The following EPHB3 variants were observed in gnomAD, a reference collection of about 807,000 sequenced individuals.
The protein encoded by EPHB3 is EPH receptor B3, also known as ephrin type-B receptor 3.
In EPHB3, 33 loss-of-function variants were observed where a neutral mutation model predicts 100.2. That is an observed-to-expected ratio of 0.33 (90% CI 0.25 to 0.44). The LOEUF is 0.44. Ranked by LOEUF, EPHB3 falls within the 20% of genes least tolerant of loss-of-function variation. The pLI is 1.00. For missense variants in EPHB3, 1,045 were observed against 1,378.3 expected (o/e 0.76, Z 3.83); for synonymous variants, 526 against 554.7 (o/e 0.95, Z 0.73).
chr3:184,568,758 C>T (rs1314488019), intron 1 of EPHB3, among the ~76,000 whole-genome samples: 2 of 152,272 alleles, frequency 1.3e-5, no homozygotes, highest in African/African-American at 2.4e-5. Context: ...CCCCTCCCCA[C>T]CGGAGTGACC....
chr3:184,562,818 G>A lies in EPHB3; in HGVS notation c.118+465G>A, dbSNP rs116741735. 3.2e-3 allele frequency among the ~76,000 whole-genome samples: 490 copies of A among 152,334 alleles called. 4 individuals carry two copies. Among genetic ancestry groups the A allele is most frequent in the African/African-American group, 0.011 (449 of 41,578 alleles). ...TGGAGTTAACTGTGAGAGTGTGAGT[G>A]CGAGCACCCCGATTTGTCAGGGGAC... On this transcript the variant is annotated intron_variant, in intron 1 of 15. Coordinates refer to ENST00000330394, the MANE Select transcript of EPHB3 (RefSeq NM_004443.4). This position sits in a 1 kb window ranked among gnomAD's most constrained non-coding sequence, Gnocchi z 4.8.
Position 184,562,462 on chromosome 3 carries a change from G to A in EPHB3, c.118+109G>A. Reference sequence around the variant, plus strand: ...TTGAGCGCACGTCGGAGGAGGCCCCGCCACCGGCGCCCGCTCCGGGGCCCA... The same window carrying A: ...TTGAGCGCACGTCGGAGGAGGCCCCACCACCGGCGCCCGCTCCGGGGCCCA... On this transcript the variant is annotated intron_variant, in intron 1 of 15. Transcript: ENST00000330394. The surrounding 1 kb of genome is among the most constrained non-coding windows in gnomAD (Gnocchi z 4.8). 2 of 1,117,478 alleles carry A rather than the reference G, an allele frequency of 1.8e-6. No homozygotes were observed. Among genetic ancestry groups the A allele is most frequent in the South Asian group, 8.6e-5 (2 of 23,172 alleles). 69.2% of individuals were successfully genotyped at this position (1,117,478 alleles called of 1,614,324 possible). A position where few individuals can be genotyped will look rare whatever the true frequency, so the allele number is the denominator to read the frequency against.
At position 184,577,619 on chromosome 3, in the gene EPHB3, G is replaced by GGT. The variant is rs1256725809; in HGVS notation, c.1480-39_1480-38insGT. 1.9e-6 allele frequency: 3 copies of GGT among 1,572,596 alleles called. No individual in the cohort carries two copies. Among genetic ancestry groups the GGT allele is most frequent in the Non-Finnish European group, 2.6e-6 (3 of 1,155,484 alleles). ...GTGAATAGGGGCTGGTTGGCCTCAG[G>GGT]ACCCACCTGAGGGTGCCCCCTCTCT... On this transcript the variant is annotated intron_variant, in intron 6 of 15. Transcript: ENST00000330394. The surrounding 1 kb of genome is among the most constrained non-coding windows in gnomAD (Gnocchi z 4.9).
rs1400422622 is a variant in EPHB3 at position 184,578,951 on chromosome 3, C to T, written c.1801+485C>T. On this transcript the variant is annotated intron_variant, in intron 9 of 15. Transcript: ENST00000330394. The surrounding 1 kb of genome is among the most constrained non-coding windows in gnomAD (Gnocchi z 4.7). ...GGAAGGAGCCCAACTGTGGGGGCAGCGAGAAGACTGGTTTGACAGCTGCTG... is the reference window on the plus strand; with the variant it reads ...GGAAGGAGCCCAACTGTGGGGGCAGTGAGAAGACTGGTTTGACAGCTGCTG... 2.0e-5 allele frequency among the ~76,000 whole-genome samples: 3 copies of T among 151,924 alleles called. No individual in the cohort carries two copies. Among genetic ancestry groups the T allele is most frequent in the East Asian group, 1.9e-4 (1 of 5,170 alleles).
intron 3 of EPHB3, among the ~76,000 whole-genome samples, chr3:184,574,862 A>G (rs991411538): frequency 1.3e-5 from 2 of 152,226 alleles, no homozygotes; most frequent in Non-Finnish European, 2.9e-5. Flanking sequence ...CACTGGCTCA[A>G]AAGAGCTAGG....
chr3:184,573,069 T>C lies in EPHB3; in HGVS notation c.749T>C (p.Val250Ala). 1 of 1,613,140 alleles carries C rather than the reference T, an allele frequency of 6.2e-7. No homozygotes were observed. The highest frequency in any genetic ancestry group is 8.5e-7 in the Non-Finnish European group (1 of 1,180,008). Residue 250 changes from valine to alanine, a missense_variant, in exon 3 of 16, where the codon GTG (valine) becomes GCG (alanine). Around this residue, in one of 2 missense-constraint regions of EPHB3, gnomAD observed 985 missense variants for 1,331.1 expected, o/e 0.74. Transcript: ENST00000330394. The surrounding 1 kb of genome is among the most constrained non-coding windows in gnomAD (Gnocchi z 4.5). ...ATCCCTAACGCCGTGGAGGTGTCGG[T>C]GCCACTCAAGCTCTACTGCAACGGC... ...TCIPNAVEVS[V>A]PLKLYCNGDG...
chr3:184,578,108 A>C lies in EPHB3; in HGVS notation c.1748+102A>C. Reference sequence around the variant, plus strand: ...GATGAGCCGCCACCACTTCCCTCAGACCCAGGGCCTTAGCCCTCCTGGGGC... The same window carrying C: ...GATGAGCCGCCACCACTTCCCTCAGCCCCAGGGCCTTAGCCCTCCTGGGGC... On this transcript the variant is annotated intron_variant, in intron 8 of 15. Coordinates refer to ENST00000330394, the MANE Select transcript of EPHB3 (RefSeq NM_004443.4). The surrounding 1 kb of genome is among the most constrained non-coding windows in gnomAD (Gnocchi z 4.7). The C allele has an allele frequency of 7.6e-7, 1 of 1,323,060 alleles. No homozygotes were observed. Among genetic ancestry groups the C allele is most frequent in the Non-Finnish European group, 1.0e-6 (1 of 968,566 alleles). The allele number at this position is 1,323,060 out of a possible 1,614,324, so 82.0% of individuals were successfully genotyped here.
intron 4 of EPHB3, among the ~76,000 whole-genome samples, chr3:184,576,319 G>A (rs571371765): frequency 2.0e-5 from 3 of 152,272 alleles, no homozygotes; most frequent in South Asian, 4.1e-4. Flanking sequence ...CTTCTAGTCC[G>A]TTGCCCCTCC....
At position 184,573,324 on chromosome 3, in the gene EPHB3, C is replaced by T; in HGVS notation, c.856+148C>T. 2.1e-6 allele frequency: 2 copies of T among 955,086 alleles called. No homozygotes were observed. Among genetic ancestry groups the T allele is most frequent in the East Asian group, 5.3e-5 (2 of 37,846 alleles). The allele number at this position is 955,086 out of a possible 1,614,324, so 59.2% of individuals were successfully genotyped here. A position where few individuals can be genotyped will look rare whatever the true frequency, so the allele number is the denominator to read the frequency against. On this transcript the variant is annotated intron_variant, in intron 3 of 15. Transcript: ENST00000330394. This position sits in a 1 kb window ranked among gnomAD's most constrained non-coding sequence, Gnocchi z 4.5. ...AGGCAGGAGAGGGAAGAGTGGGGAT[C>T]AGATGCAGAGAATGTTGTGTAAGGA...
In EPHB3 at chr3:184,576,239, TGCTCCTAGCCATGCTCAGGAACTG is replaced by T. The variant is rs1344901527; in HGVS notation, c.1012+282_1012+305del. 7.6e-3 allele frequency among the ~76,000 whole-genome samples: 1,151 copies of T among 151,710 alleles called. 12 individuals are homozygous for T. The highest frequency in any genetic ancestry group is 0.022 in the African/African-American group (914 of 41,202). ...CTGTTCCTAGCCATGCTCAGGAACT[TGCTCCTAGCCATGCTCAGGAACTG>T]GCTCCTAGCCATGCTCAGGAACTGG... On this transcript the variant is annotated intron_variant, in intron 4 of 15. Coordinates refer to ENST00000330394, the MANE Select transcript of EPHB3 (RefSeq NM_004443.4).
intron 1 of EPHB3, among the ~76,000 whole-genome samples, chr3:184,564,888 A>AG (rs1415469872): frequency 1.3e-5 from 2 of 152,118 alleles, no homozygotes; most frequent in African/African-American, 2.4e-5. Flanking sequence ...CCAGCTTGAC[A>AG]GGTGGGGGGT....
chr3:184,572,292 G>A lies in EPHB3; in HGVS notation c.184-212G>A, dbSNP rs943970523. Among the ~76,000 whole-genome samples, 1 of 152,148 alleles carries A rather than the reference G, an allele frequency of 6.6e-6. No individual in the cohort carries two copies. The highest frequency in any genetic ancestry group is 2.4e-5 in the African/African-American group (1 of 41,420). On this transcript the variant is annotated intron_variant, in intron 2 of 15. Coordinates refer to ENST00000330394, the MANE Select transcript of EPHB3 (RefSeq NM_004443.4). This position sits in a 1 kb window ranked among gnomAD's most constrained non-coding sequence, Gnocchi z 6.6. ...ACATCTTTATTATCCCCATGTTACA[G>A]ATGGGGAAACTGAGGCACATGGCGG...
At chr3:184,576,217 TTCCTAGCCATGCTCAGGAACTTGC>T (rs1225532326) in intron 4 of EPHB3, among the ~76,000 whole-genome samples, 249 of 151,768 alleles carry the variant, frequency 1.6e-3, no homozygotes, top group African/African-American at 3.9e-3. Context: ...CACCTACCTG[TTCCTAGCCATGCTCAGGAACTTGC>T]TCCTAGCCAT....
At position 184,569,069 on chromosome 3, in the gene EPHB3, G is replaced by A. The variant is rs964453839; in HGVS notation, c.119-2249G>A. On this transcript the variant is annotated intron_variant, in intron 1 of 15. Coordinates refer to ENST00000330394, the MANE Select transcript of EPHB3 (RefSeq NM_004443.4). This position sits in a 1 kb window ranked among gnomAD's most constrained non-coding sequence, Gnocchi z 5.4. ...AATCTGGCTGGAGGGGGAGGGGGCT[G>A]AATATTTGGGTTTAAACAGTTCCAG... Among the ~76,000 whole-genome samples the A allele has an allele frequency of 1.3e-5, 2 of 152,162 alleles. No homozygotes were observed. The highest frequency in any genetic ancestry group is 4.8e-5 in the African/African-American group (2 of 41,446).
At position 184,572,412 on chromosome 3, in the gene EPHB3, C is replaced by T. The variant is rs1200968268; in HGVS notation, c.184-92C>T. 2 of 1,396,146 alleles carry T rather than the reference C, an allele frequency of 1.4e-6. No homozygotes were observed. Among genetic ancestry groups the T allele is most frequent in the Admixed American group, 2.8e-5 (1 of 35,232 alleles). The allele number at this position is 1,396,146 out of a possible 1,614,324, so 86.5% of individuals were successfully genotyped here. ...CAGCCACTGCACACCATAGAAGCAT[C>T]CCTGTGAAGTAAATAGAGCAGATCT... On this transcript the variant is annotated intron_variant, in intron 2 of 15. Coordinates refer to ENST00000330394, the MANE Select transcript of EPHB3 (RefSeq NM_004443.4). This position sits in a 1 kb window ranked among gnomAD's most constrained non-coding sequence, Gnocchi z 6.6.
In EPHB3 at chr3:184,578,269, AGACTGCTGT is replaced by A. The variant is rs1714733151; in HGVS notation, c.1749-141_1749-133del. 1.6e-6 allele frequency: 2 copies of A among 1,228,894 alleles called. No individual in the cohort carries two copies. The highest frequency in any genetic ancestry group is 3.9e-5 in the Admixed American group (2 of 51,198). 76.1% of individuals were successfully genotyped at this position (1,228,894 alleles called of 1,614,324 possible). ...CTGAACCCCTTGCTCAGACACCCAG[AGACTGCTGT>A]GACCACCAATTGTGGGACTAGGCCC... On this transcript the variant is annotated intron_variant, in intron 8 of 15. Transcript: ENST00000330394. The surrounding 1 kb of genome is among the most constrained non-coding windows in gnomAD (Gnocchi z 4.7).
intron 1 of EPHB3, among the ~76,000 whole-genome samples, chr3:184,564,785 C>T (rs1714343038): frequency 6.6e-6 from 1 of 152,160 alleles, no homozygotes; most frequent in Non-Finnish European, 1.5e-5. Flanking sequence ...CTCCTGTATT[C>T]TGGGGCTTGG....
rs1268000935 is a variant in EPHB3 at position 184,563,993 on chromosome 3, C to T, written c.118+1640C>T. On this transcript the variant is annotated intron_variant, in intron 1 of 15. Coordinates refer to ENST00000330394, the MANE Select transcript of EPHB3 (RefSeq NM_004443.4). The surrounding 1 kb of genome is among the most constrained non-coding windows in gnomAD (Gnocchi z 4.1). Reference sequence around the variant, plus strand: ...AGGGGCTACCTGAGGAGGCTCACTTCTCCCTCCCCCCTTCCCTTCCTTTCT... The same window carrying T: ...AGGGGCTACCTGAGGAGGCTCACTTTTCCCTCCCCCCTTCCCTTCCTTTCT... 2.6e-5 allele frequency among the ~76,000 whole-genome samples: 4 copies of T among 152,262 alleles called. No individual in the cohort carries two copies. In the South Asian group the frequency reaches 8.3e-4, roughly 32 times the overall value.
At chr3:184,574,745 G>A (rs1210317012) in intron 3 of EPHB3, among the ~76,000 whole-genome samples, 1 of 152,208 alleles carries the variant, frequency 6.6e-6, no homozygotes, top group South Asian at 2.1e-4. Flanking sequence ...GGGGTGGGGT[G>A]ATGAGCCTGA....
Sources: allele counts gnomAD v4.1 joint callset (sites outside exome capture counted in the v4.1 genomes callset), GRCh38; gene constraint gnomAD v4.1.1; regional missense constraint gnomAD v4.1.1; non-coding constraint Gnocchi (gnomAD v3.1); transcripts MANE v1.5; gene names NCBI Gene and HGNC (gene_info 2026-07-23, HGNC 2026-07-21).